The following POLA1 variants were observed in gnomAD, a reference collection of about 807,000 sequenced individuals.
The protein encoded by POLA1 is DNA polymerase alpha 1, catalytic subunit, also known as DNA polymerase alpha catalytic subunit.
In POLA1, 15 loss-of-function variants were observed where a neutral mutation model predicts 124.0. The observed-to-expected ratio is 0.12, with a 90% CI of 0.08 to 0.19. The LOEUF is 0.19. POLA1 is among the 10% of genes least tolerant of loss of function. The pLI, the probability that POLA1 is intolerant of heterozygous loss-of-function variation, is 1.00. For synonymous variants in POLA1, 408 were observed against 389.4 expected (o/e 1.05, Z -0.56); for missense variants, 886 against 1,103.4 (o/e 0.80, Z 2.79).
chrX:24,964,970 T>C (rs752315941), intron 36 of POLA1, among the ~76,000 whole-genome samples: 12 of 112,168 alleles, frequency 1.1e-4, no homozygotes, highest in African/African-American at 3.6e-4. Flanking sequence ...CTATACCATA[T>C]ATCTATAGTT....
At chrX:24,861,231 C>G (rs1168884371) in intron 34 of POLA1, among the ~76,000 whole-genome samples, 1 of 112,344 alleles carries the variant, frequency 8.9e-6, no homozygotes, top group Non-Finnish European at 1.9e-5. Flanking sequence ...CTCCCCAGCT[C>G]AAGCGATTCT....
intron 34 of POLA1, among the ~76,000 whole-genome samples, chrX:24,850,962 T>A (rs1216442371): frequency 1.3e-4 from 15 of 111,801 alleles, no homozygotes; most frequent in Admixed American, 1.2e-3. Flanking sequence ...CTTTTCAAGG[T>A]ATCTCCAAGG....
chrX:24,984,558 A>C (rs1473717643), intron 36 of POLA1, among the ~76,000 whole-genome samples: 1 of 111,343 alleles, frequency 9.0e-6, no homozygotes, highest in African/African-American at 3.3e-5. Flanking sequence ...TTATTCCAGC[A>C]TCCTGCATCA....
chrX:24,810,654 T>C, intron 27 of POLA1, 54 bp from the exon 28 acceptor site: 3 of 519,121 alleles, frequency 5.8e-6, no homozygotes, highest in South Asian at 3.2e-5. Context: ...AGTTTCATTG[T>C]ATGTAATGGT....
chrX:24,995,399 C>T (rs1172204162), intron 36 of POLA1, among the ~76,000 whole-genome samples: 1 of 112,103 alleles, frequency 8.9e-6, no homozygotes, highest in Non-Finnish European at 1.9e-5. Context: ...TGGAAGGCAC[C>T]AGAGGCCATA....
At chrX:24,744,589 T>G in intron 23 of POLA1, 1 of 339,667 alleles carries the variant, frequency 2.9e-6, no homozygotes, top group Non-Finnish European at 5.5e-6. Context: ...GTGTCTCTTG[T>G]TTGATTTTAG....
chrX:24,778,979 G>A (rs1473852679), intron 26 of POLA1, among the ~76,000 whole-genome samples: 1 of 112,140 alleles, frequency 8.9e-6, no homozygotes, highest in African/African-American at 3.2e-5. Context: ...AGATGAAGTA[G>A]TCTGCTATAA....
intron 35 of POLA1, among the ~76,000 whole-genome samples, chrX:24,924,426 C>G (rs755412099): frequency 2.7e-5 from 3 of 111,809 alleles, no homozygotes; most frequent in Admixed American, 9.5e-5. Flanking sequence ...TTCTGCTATT[C>G]CAGTCTTCCA....
At chrX:24,694,175 C>G (rs1830674317) in intron 1 of POLA1, among the ~76,000 whole-genome samples, 171 bp downstream of exon 1, 1 of 112,900 alleles carries the variant, frequency 8.9e-6, no homozygotes, top group Non-Finnish European at 1.9e-5. Flanking sequence ...GCGGTTTGCT[C>G]TTGGAGGACC....
chrX:24,723,816 G>C (rs1162311322), intron 11 of POLA1, among the ~76,000 whole-genome samples: 1 of 112,325 alleles, frequency 8.9e-6, no homozygotes, highest in Non-Finnish European at 1.9e-5. Flanking sequence ...GAGTAGCTGG[G>C]ATTACAGGCG....
At chrX:24,972,953 G>A (rs1336042873) in intron 36 of POLA1, among the ~76,000 whole-genome samples, 1 of 112,300 alleles carries the variant, frequency 8.9e-6, no homozygotes, top group Non-Finnish European at 1.9e-5. Context: ...AGCCAATTCT[G>A]GCTTAGATAT....
chrX:24,878,722 T>C (rs918660584), intron 34 of POLA1, among the ~76,000 whole-genome samples: 1 of 106,419 alleles, frequency 9.4e-6, no homozygotes, highest in African/African-American at 3.7e-5. Flanking sequence ...TTTGAAATTT[T>C]AGATTTAGTA....
chrX:24,990,112 G>A (rs2048518792), intron 36 of POLA1, among the ~76,000 whole-genome samples: 1 of 111,964 alleles, frequency 8.9e-6, no homozygotes, highest in African/African-American at 3.3e-5. Flanking sequence ...TACAATCTGT[G>A]TACCTGATTG....
chrX:24,970,964 G>A (rs781756321), intron 36 of POLA1, among the ~76,000 whole-genome samples: 4 of 112,369 alleles, frequency 3.6e-5, no homozygotes, highest in Non-Finnish European at 7.5e-5. Flanking sequence ...AGCTTCACAC[G>A]CAGCATCTGA....
intron 26 of POLA1, among the ~76,000 whole-genome samples, chrX:24,771,281 A>G (rs1004201819): frequency 7.2e-5 from 8 of 111,588 alleles, no homozygotes; most frequent in Middle Eastern, 4.6e-3. Context: ...TTTGATCACA[A>G]TACGATAGGA....
chrX:24,873,998 G>A (rs1323209985), intron 34 of POLA1, among the ~76,000 whole-genome samples: 2 of 111,456 alleles, frequency 1.8e-5, no homozygotes, highest in Admixed American at 1.9e-4. Flanking sequence ...TACAGCGACT[G>A]GCTCATATAT....
chrX:24,770,920 A>C (rs963231418), intron 26 of POLA1, among the ~76,000 whole-genome samples: 6 of 111,414 alleles, frequency 5.4e-5, no homozygotes, highest in Non-Finnish European at 1.1e-4. Flanking sequence ...TTTAGGATGA[A>C]AAGTTGCTGC....
At chrX:24,706,759 G>A (rs1387294316) in intron 4 of POLA1, among the ~76,000 whole-genome samples, 3 of 111,927 alleles carry the variant, frequency 2.7e-5, no homozygotes. Flanking sequence ...TATAGTCAGA[G>A]TATTGTGTTC....
chrX:24,822,411 TTG>T (rs1291666721), intron 31 of POLA1, among the ~76,000 whole-genome samples: 1 of 112,821 alleles, frequency 8.9e-6, no homozygotes, highest in East Asian at 2.8e-4. Context: ...TGTTATTGCA[TTG>T]TGTTGTTACA....
Sources: allele counts gnomAD v4.1 joint callset (sites outside exome capture counted in the v4.1 genomes callset), GRCh38; gene constraint gnomAD v4.1.1; transcripts MANE v1.5; gene names NCBI Gene and HGNC (gene_info 2026-07-23, HGNC 2026-07-21).